MCM10: variants seen among roughly 807,000 people sequenced by gnomAD.
The protein encoded by MCM10 is protein MCM10 homolog.
A neutral mutation model predicts 109.9 loss-of-function variants in MCM10; 91 were observed. The observed-to-expected ratio is 0.83, with a 90% confidence interval of 0.70 to 0.99. The LOEUF (loss-of-function observed/expected upper bound fraction) is 0.99. Ranked by LOEUF, MCM10 falls within the 50% of genes least tolerant of loss-of-function variation. MCM10 has a pLI of 0.00. For missense variants in MCM10, 1,077 were observed against 1,061.2 expected, an observed-to-expected ratio of 1.01 and a Z score of -0.21; for synonymous variants, 380 against 387.2, an observed-to-expected ratio of 0.98 and a Z score of 0.22.
At chr10:13,189,519 C>T (rs1834319977) in intron 10 of MCM10, among the ~76,000 whole-genome samples, 2 of 152,118 alleles carry the variant, frequency 1.3e-5, no homozygotes. Flanking sequence ...GACAGGGTTT[C>T]ACCATGATGG....
rs780048804 is a variant in MCM10, at chr10:13,175,574, G to A, written c.657G>A (p.Arg219=). 13 of 1,613,790 alleles carry A rather than the reference G, an allele frequency of 8.1e-6. No homozygotes were observed. Among genetic ancestry groups the A allele is most frequent in the Non-Finnish European group, 1.0e-5 (12 of 1,179,840 alleles). Residue 219 remains arginine (R), a synonymous_variant, in exon 6 of 20, where the codon CGG becomes CGA. Transcript: ENST00000378714. The part of the protein sequence containing the change: ...APSQPLQTIS[R]NKPSGITRGQ... The stretch of plus-strand genomic sequence containing the variant: ...CCCAACCCCTACAGACGATTTCTCG[G>A]AACAAACCTAGTGGGATAACTAGAG...
Position 13,191,290 on chromosome 10 carries a change from T to C in MCM10, c.1416-9T>C. 6.2e-7 allele frequency: 1 copy of C among 1,604,384 alleles called. No homozygotes were observed. The highest frequency in any genetic ancestry group is 1.7e-4 in the Middle Eastern group (1 of 6,046). On this transcript the variant is annotated splice_polypyrimidine_tract_variant and intron_variant, in intron 10 of 19. Transcript: ENST00000378714. ...TGATTCTCCTTTTGGGGGTGACTTGTCATTTCAGTGCAGCAGCTGTGGCTC... is the reference window on the plus strand; with the variant it reads ...TGATTCTCCTTTTGGGGGTGACTTGCCATTTCAGTGCAGCAGCTGTGGCTC...
chr10:13,163,529 CTG>C (rs1354694723), intron 1 of MCM10, among the ~76,000 whole-genome samples: 1 of 152,218 alleles, frequency 6.6e-6, no homozygotes, highest in Non-Finnish European at 1.5e-5. Flanking sequence ...CGCTGTTTCT[CTG>C]TGCTTTGCTG....
Position 13,198,672 on chromosome 10 carries a change from T to G in MCM10, c.2120-17T>G, listed in dbSNP as rs1263607641. 6.4e-7 allele frequency: 1 copy of G among 1,552,394 alleles called. No homozygotes were observed. ...AAATTTCTTGGTCGCTGCTAATGTT[T>G]GTTCCTTGTGCCCTAGCTGAGGATG... On this transcript the variant is annotated splice_polypyrimidine_tract_variant and intron_variant, in intron 15 of 19. Coordinates refer to ENST00000378714, the MANE Select transcript of MCM10 (RefSeq NM_018518.5).
chr10:13,170,344 T>C (rs1834053467), intron 2 of MCM10, among the ~76,000 whole-genome samples: 1 of 151,254 alleles, frequency 6.6e-6, no homozygotes, highest in Non-Finnish European at 1.5e-5. Context: ...GGGATCTTAG[T>C]ATTTTTTATA....
At chr10:13,162,545 G>T (rs1833940951) in intron 1 of MCM10, among the ~76,000 whole-genome samples, 1 of 152,202 alleles carries the variant, frequency 6.6e-6, no homozygotes, top group Non-Finnish European at 1.5e-5. Flanking sequence ...CAGTGAAGTT[G>T]GAGAGAAGTG....
chr10:13,175,572 C>T lies in MCM10; in HGVS notation c.655C>T (p.Arg219Trp), dbSNP rs150895215. The change falls in exon 6 of 20, where the codon CGG becomes TGG. Residue 219 changes from arginine to tryptophan, a missense_variant. Coordinates refer to ENST00000378714, the MANE Select transcript of MCM10 (RefSeq NM_018518.5). ...APSQPLQTISRNKPSGITRGQ... is the reference protein window; with the variant it reads ...APSQPLQTISWNKPSGITRGQ... ...CTCCCAACCCCTACAGACGATTTCT[C>T]GGAACAAACCTAGTGGGATAACTAG... The T allele has an allele frequency of 6.9e-5, 111 of 1,614,056 alleles. 3 individuals are homozygous for T. In the South Asian group the frequency reaches 7.1e-4, roughly 10 times the overall value.
rs1833964665 is a variant in MCM10 at position 13,164,209 on chromosome 10, G to A, written c.7G>A (p.Glu3Lys). The A allele has an allele frequency of 6.3e-7, 1 of 1,595,840 alleles. No individual in the cohort carries two copies. Among genetic ancestry groups the A allele is most frequent in the Non-Finnish European group, 8.5e-7 (1 of 1,174,734 alleles). MD[E>K]EEDNLSLLTA... Reference sequence around the variant, plus strand: ...CAACTGTCCTCTTGACAGCATGGATGGTAAGACCTGGCAGTTTTCTGTTAC... The same window carrying A: ...CAACTGTCCTCTTGACAGCATGGATAGTAAGACCTGGCAGTTTTCTGTTAC... The change falls in exon 2 of 20, where the codon GAG (glutamate) becomes AAG (lysine). Residue 3 changes from glutamate (E) to lysine (K), a missense_variant and splice_region_variant. Transcript: ENST00000378714.
intron 9 of MCM10, among the ~76,000 whole-genome samples, chr10:13,188,182 C>G (rs1384264026): frequency 2.6e-5 from 4 of 152,022 alleles, no homozygotes; most frequent in Non-Finnish European, 5.9e-5. Context: ...TACTGTTCAC[C>G]CAGCAGAACA....
chr10:13,182,663 C>T lies in MCM10; in HGVS notation c.931-270C>T, dbSNP rs1241569151. Among the ~76,000 whole-genome samples the T allele has an allele frequency of 6.6e-6, 1 of 152,008 alleles. No homozygotes were observed. Among genetic ancestry groups the T allele is most frequent in the Admixed American group, 6.6e-5 (1 of 15,260 alleles). On this transcript the variant is annotated intron_variant, in intron 7 of 19. Coordinates refer to ENST00000378714, the MANE Select transcript of MCM10 (RefSeq NM_018518.5). The surrounding 1 kb of genome is among the most constrained non-coding windows in gnomAD (Gnocchi z 4.2). ...CTATCCCACTCCCTCTGCTTAGACCCGAGATAACTAGAGACTCTGCTAACA... is the reference window on the plus strand; with the variant it reads ...CTATCCCACTCCCTCTGCTTAGACCTGAGATAACTAGAGACTCTGCTAACA...
Position 13,204,990 on chromosome 10 carries a change from GTATGTATGTATGTATATATATATA to G in MCM10, c.2498+630_2498+653del, listed in dbSNP as rs1307368331. Among the ~76,000 whole-genome samples the G allele has an allele frequency of 7.1e-3, 840 of 118,628 alleles. 26 individuals are homozygous for G. The highest frequency in any genetic ancestry group is 0.039 in the East Asian group (174 of 4,428). The allele number at this position is 118,628 out of a possible 152,430, so 77.8% of individuals were successfully genotyped here. A position where few individuals can be genotyped will look rare whatever the true frequency, so the allele number is the denominator to read the frequency against. Reference sequence around the variant, plus strand: ...ATTTTTTATTGTGCTTCTCATGTATGTATGTATGTATGTATATATATATATATATATATATATATATATATATAT... The same window carrying G: ...ATTTTTTATTGTGCTTCTCATGTATGTATATATATATATATATATATATAT... On this transcript the variant is annotated intron_variant, in intron 18 of 19. Transcript: ENST00000378714.
chr10:13,185,373 CAAG>C (rs1834261142), intron 8 of MCM10, among the ~76,000 whole-genome samples: 1 of 152,162 alleles, frequency 6.6e-6, no homozygotes, highest in Admixed American at 6.5e-5. Context: ...GAATTGCAAA[CAAG>C]AAGGGAGAGA....
intron 7 of MCM10, among the ~76,000 whole-genome samples, chr10:13,181,553 G>A (rs913079774): frequency 6.6e-6 from 1 of 152,134 alleles, no homozygotes; most frequent in African/African-American, 2.4e-5. Flanking sequence ...GAGAGCATTA[G>A]GGAAAAGAGC....
At chr10:13,186,571 A>G (rs372982945) in intron 9 of MCM10, among the ~76,000 whole-genome samples, 5 of 152,208 alleles carry the variant, frequency 3.3e-5, no homozygotes, top group Admixed American at 2.0e-4. Flanking sequence ...AGCAAACATG[A>G]TGAAATACAA....
intron 18 of MCM10, among the ~76,000 whole-genome samples, chr10:13,208,700 AGAG>A (rs1214457816): frequency 6.6e-6 from 1 of 152,198 alleles, no homozygotes; most frequent in East Asian, 1.9e-4. Context: ...TCCAAAAAAA[AGAG>A]GAGGAAGGGG....
intron 18 of MCM10, among the ~76,000 whole-genome samples, chr10:13,206,996 A>G (rs1030097672): frequency 6.6e-6 from 1 of 152,010 alleles, no homozygotes; most frequent in Non-Finnish European, 1.5e-5. Flanking sequence ...TTTTTTTTAT[A>G]GAGACAAGGT....
At chr10:13,192,195 T>G in intron 11 of MCM10, 60 bp from the exon 12 acceptor site, 1 of 1,086,038 alleles carries the variant, frequency 9.2e-7, no homozygotes, top group South Asian at 1.3e-5. Context: ...AAGTGGTATG[T>G]CATATGACCT....
chr10:13,185,283 G>C (rs986738530), intron 8 of MCM10, among the ~76,000 whole-genome samples: 1 of 152,212 alleles, frequency 6.6e-6, no homozygotes, highest in African/African-American at 2.4e-5. Flanking sequence ...AGTGTTGTAA[G>C]AGATCTTGTC....
At chr10:13,181,407 C>G (rs574114529) in intron 7 of MCM10, among the ~76,000 whole-genome samples, 1 of 152,220 alleles carries the variant, frequency 6.6e-6, no homozygotes, top group Admixed American at 6.5e-5. Context: ...CATTATCCTC[C>G]ACAAACTAAT....
Sources: gnomAD v4.1 joint callset for allele counts (sites outside exome capture counted in the v4.1 genomes callset) on GRCh38, gnomAD v4.1.1 for gene constraint, Gnocchi (gnomAD v3.1) non-coding constraint, MANE v1.5 for transcripts, NCBI Gene and HGNC (gene_info 2026-07-23, HGNC 2026-07-21) for gene names.